Variants in BTG4 observed in about 807,000 individuals in gnomAD.
The protein encoded by BTG4 is BTG anti-proliferation factor 4.
In BTG4, 10 loss-of-function variants were observed where a neutral mutation model predicts 19.3. That is an observed-to-expected ratio of 0.52 (90% CI 0.32 to 0.88). BTG4 has a LOEUF of 0.88. Among genes scored for constraint, BTG4 ranks in the 40% least tolerant of loss-of-function variants. The pLI is 0.04. For synonymous variants in BTG4, 91 were observed against 95.7 expected, an observed-to-expected ratio of 0.95 and a Z score of 0.29; for missense variants, 238 against 281.9, an observed-to-expected ratio of 0.84 and a Z score of 1.11.
chr11:111,463,078 G>A (rs1277623296), downstream of BTG4: 2 of 152,804 alleles, frequency 1.3e-5, no homozygotes, highest in African/African-American at 4.8e-5. Context: ...GTTTCAGTGG[G>A]TGGTGAGGGA....
In BTG4 at chr11:111,497,382, TG is replaced by T; in HGVS notation, c.338del (p.Thr113LysfsTer62). 1 of 1,384,640 alleles carries T rather than the reference TG, an allele frequency of 7.2e-7. No homozygotes were observed. The highest frequency in any genetic ancestry group is 9.4e-7 in the Non-Finnish European group (1 of 1,063,622). 85.8% of individuals were successfully genotyped at this position (1,384,640 alleles called of 1,614,324 possible). ...CRYGEKNHPF[T>X]VASFKGRWEE... ...CCCATCTGCCTTTAAAAGAAGCAACTGTAAATGGATGGTTTTTCTCACCATA... is the reference window on the plus strand; with the variant it reads ...CCCATCTGCCTTTAAAAGAAGCAACTTAAATGGATGGTTTTTCTCACCATA... On this transcript the variant is annotated frameshift_variant, in exon 4 of 5. Coordinates refer to ENST00000692032, the MANE Select transcript of BTG4 (RefSeq NM_001367975.1). LOFTEE classifies it high-confidence loss of function.
At chr11:111,510,450 A>G (rs1308832654) in intron 1 of BTG4, among the ~76,000 whole-genome samples, 2 of 152,194 alleles carry the variant, frequency 1.3e-5, no homozygotes, top group African/African-American at 4.8e-5. Flanking sequence ...CCTTCCTTGT[A>G]CTGTCTAAAA....
At chr11:111,502,035 T>C (rs911010254) in intron 1 of BTG4, among the ~76,000 whole-genome samples, 2 of 152,210 alleles carry the variant, frequency 1.3e-5, no homozygotes, top group African/African-American at 4.8e-5. Flanking sequence ...GTAGTTGTCA[T>C]TCCTCTTCCT....
rs182489950 is a variant in BTG4, at chr11:111,480,003, T to C, written c.663-12322A>G. Among the ~76,000 whole-genome samples, 307 of 152,174 alleles carry C rather than the reference T, an allele frequency of 2.0e-3. 2 individuals carry two copies. Among genetic ancestry groups the C allele is most frequent in the African/African-American group, 7.1e-3 (294 of 41,546 alleles). ...AACTCGAGGCCTAACATATTTATAATTGCAATAAATGCAAATAGTCTAGAA... is the reference window on the plus strand; with the variant it reads ...AACTCGAGGCCTAACATATTTATAACTGCAATAAATGCAAATAGTCTAGAA... On this transcript the variant is annotated intron_variant, in intron 5 of 5. Coordinates refer to the BTG4 transcript ENST00000356018.
At chr11:111,437,413 G>A in the BTG4 span, among the ~76,000 whole-genome samples, 9 of 152,304 alleles carry the variant, frequency 5.9e-5, no homozygotes, top group African/African-American at 1.7e-4. Flanking sequence ...CAGGAACTGG[G>A]TTGGGGGATG....
At chr11:111,497,880 G>T in intron 3 of BTG4, 118 bp downstream of exon 3, 1 of 1,111,206 alleles carries the variant, frequency 9.0e-7, no homozygotes, top group Non-Finnish European at 1.3e-6. Context: ...TCTTAACCAA[G>T]AAGTATCCCT....
At chr11:111,389,222 G>A in the BTG4 span, among the ~76,000 whole-genome samples, 1 of 152,130 alleles carries the variant, frequency 6.6e-6, no homozygotes, top group African/African-American at 2.4e-5. Context: ...AATTTGGTGG[G>A]AAAGTAACTT....
At chr11:111,425,062 A>G in the BTG4 span, among the ~76,000 whole-genome samples, 1 of 152,166 alleles carries the variant, frequency 6.6e-6, no homozygotes, top group Non-Finnish European at 1.5e-5. Flanking sequence ...CTTCTGTACA[A>G]TCATAGAGGG....
At chr11:111,510,885 A>C (rs1403896640) in intron 1 of BTG4, among the ~76,000 whole-genome samples, 2 of 152,242 alleles carry the variant, frequency 1.3e-5, no homozygotes, top group Admixed American at 6.5e-5. Context: ...AAGATATTTA[A>C]GATGCAACTA....
the BTG4 span, among the ~76,000 whole-genome samples, chr11:111,436,354 C>A: frequency 6.6e-6 from 1 of 152,190 alleles, no homozygotes; most frequent in Non-Finnish European, 1.5e-5. Context: ...CAGTGGCTCA[C>A]GCCTGTAATC....
the BTG4 span, among the ~76,000 whole-genome samples, chr11:111,447,031 C>T: frequency 1.3e-5 from 2 of 152,204 alleles, no homozygotes; most frequent in Non-Finnish European, 2.9e-5. Context: ...GCTGTCCCCC[C>T]ACAGGTAGTC....
intron 5 of BTG4, among the ~76,000 whole-genome samples, chr11:111,483,436 G>A (rs1113851): frequency 0.31 from 46,475 of 151,886 alleles, 7,274 homozygotes; most frequent in Middle Eastern, 0.39. Flanking sequence ...TTTCAAACAG[G>A]GAATCAGAAT....
At chr11:111,439,661 T>G in the BTG4 span, among the ~76,000 whole-genome samples, 1 of 152,054 alleles carries the variant, frequency 6.6e-6, no homozygotes, top group Non-Finnish European at 1.5e-5. Flanking sequence ...CCCTCTCAGT[T>G]TCTGCACACT....
the BTG4 span, among the ~76,000 whole-genome samples, chr11:111,428,918 T>G: frequency 4.6e-5 from 7 of 152,156 alleles, no homozygotes; most frequent in Non-Finnish European, 1.5e-5. Flanking sequence ...GCTAAATAAT[T>G]AAGCGAATGT....
At chr11:111,503,985 A>G (rs1470917565) in intron 1 of BTG4, among the ~76,000 whole-genome samples, 1 of 152,162 alleles carries the variant, frequency 6.6e-6, no homozygotes. Flanking sequence ...ATTTTAAAAT[A>G]TCATCTGAAT....
In BTG4 at chr11:111,478,496, G is replaced by A. The variant is rs540562580; in HGVS notation, c.663-10815C>T. Among the ~76,000 whole-genome samples the A allele has an allele frequency of 2.0e-5, 3 of 152,198 alleles. No individual in the cohort carries two copies. The East Asian group carries it at 5.8e-4, about 29-fold the overall frequency. On this transcript the variant is annotated intron_variant, in intron 5 of 5. Transcript: ENST00000356018. ...TAAAAACCAGAAAGATAAACAAAGA[G>A]TGAGGAGAAAACCTAATCAACAGAT...
In BTG4 at chr11:111,495,268, C is replaced by T. The variant is rs200079528; in HGVS notation, c.557G>A (p.Arg186His). Residue 186 changes from arginine to histidine, a missense_variant, in exon 5 of 5, where the codon CGC (arginine) becomes CAC (histidine). Arg to His is a conservative substitution (Grantham distance 29, BLOSUM62 0). Coordinates refer to ENST00000692032, the MANE Select transcript of BTG4 (RefSeq NM_001367975.1). Reference protein sequence around the residue: ...QPFQSWLQIPRKKNVVDGRVG... With the variant: ...QPFQSWLQIPHKKNVVDGRVG... ...ACGGCCGTCCACCACATTCTTTTTGCGGGGGATTTGTAACCAAGATTGAAA... is the reference window on the plus strand; with the variant it reads ...ACGGCCGTCCACCACATTCTTTTTGTGGGGGATTTGTAACCAAGATTGAAA... 2.1e-5 allele frequency: 34 copies of T among 1,609,848 alleles called. No individual in the cohort carries two copies. Among genetic ancestry groups the T allele is most frequent in the East Asian group, 1.8e-4 (8 of 44,740 alleles).
chr11:111,502,238 C>G (rs1866133163), intron 1 of BTG4, among the ~76,000 whole-genome samples: 1 of 151,952 alleles, frequency 6.6e-6, no homozygotes, highest in Admixed American at 6.6e-5. Context: ...TCTCAAAGTG[C>G]TAGGATTACA....
chr11:111,499,431 T>C (rs1865934191), intron 1 of BTG4, among the ~76,000 whole-genome samples: 1 of 152,206 alleles, frequency 6.6e-6, no homozygotes, highest in Non-Finnish European at 1.5e-5. Flanking sequence ...ATCATACAGC[T>C]TTTTCATATG....
Sources: allele counts gnomAD v4.1 joint callset (sites outside exome capture counted in the v4.1 genomes callset), GRCh38; gene constraint gnomAD v4.1.1; transcripts MANE v1.5; gene names NCBI Gene and HGNC (gene_info 2026-07-23, HGNC 2026-07-21).